Variants in LRRK1 observed in about 807,000 individuals in gnomAD.
LRRK1 encodes leucine-rich repeat serine/threonine-protein kinase 1.
LRRK1 carries 113 observed loss-of-function variants against 209.1 expected under a neutral mutation model. The observed-to-expected ratio is 0.54, with a 90% confidence interval of 0.46 to 0.63. The LOEUF is 0.63. Ranked by LOEUF, LRRK1 falls within the 30% of genes least tolerant of loss-of-function variation. LRRK1 has a pLI of 0.00. For synonymous variants in LRRK1, 1,144 were observed against 1,099.7 expected, an observed-to-expected ratio of 1.04 and a Z score of -0.80; for missense variants, 2,284 against 2,632.2, an observed-to-expected ratio of 0.87 and a Z score of 2.89.
intron 7 of LRRK1, 68 bp from the exon 8 acceptor site, chr15:101,010,382 G>GA: frequency 1.3e-6 from 2 of 1,546,556 alleles, no homozygotes; most frequent in Non-Finnish European, 1.7e-6. Context: ...TTGGTTTATA[G>GA]AAAAATATGT....
chr15:100,927,225 C>T (rs2042131728), intron 2 of LRRK1, among the ~76,000 whole-genome samples: 2 of 152,128 alleles, frequency 1.3e-5, no homozygotes, highest in Non-Finnish European at 1.5e-5. Context: ...GGGACCGGGG[C>T]GCAATGGGCT....
chr15:101,023,379 A>G (rs2033884914), intron 15 of LRRK1, among the ~76,000 whole-genome samples: 1 of 152,212 alleles, frequency 6.6e-6, no homozygotes, highest in Admixed American at 6.5e-5. Flanking sequence ...CTTGCTTTCC[A>G]TTCAGTGCCA....
chr15:101,013,186 G>T (rs1567232355), intron 10 of LRRK1, among the ~76,000 whole-genome samples: 1 of 152,180 alleles, frequency 6.6e-6, no homozygotes, highest in Non-Finnish European at 1.5e-5. Context: ...GGGACCCTGA[G>T]GTCTGGCACA....
At chr15:100,977,035 T>C (rs1426252081) in intron 3 of LRRK1, among the ~76,000 whole-genome samples, 1 of 152,158 alleles carries the variant, frequency 6.6e-6, no homozygotes, top group Non-Finnish European at 1.5e-5. Flanking sequence ...AAACGTAGGA[T>C]TCTAAAAGGT....
chr15:101,047,338 A>G (rs1485868047), intron 21 of LRRK1, among the ~76,000 whole-genome samples: 2 of 152,224 alleles, frequency 1.3e-5, no homozygotes, highest in Non-Finnish European at 2.9e-5. Flanking sequence ...AGAAGGGTGC[A>G]CTGATTGAAG....
At chr15:100,949,444 CA>C (rs1370513888) in intron 2 of LRRK1, among the ~76,000 whole-genome samples, 2 of 152,046 alleles carry the variant, frequency 1.3e-5, no homozygotes, top group Admixed American at 6.5e-5. Flanking sequence ...TGAATTCTAC[CA>C]AACATTTAAA....
intron 10 of LRRK1, among the ~76,000 whole-genome samples, chr15:101,012,736 T>G (rs2033325869): frequency 6.6e-6 from 1 of 152,052 alleles, no homozygotes; most frequent in Non-Finnish European, 1.5e-5. Context: ...TGCAGCCTCT[T>G]GTGTGCGGCG....
intron 6 of LRRK1, among the ~76,000 whole-genome samples, chr15:101,006,000 G>A (rs1317546330): frequency 6.6e-6 from 1 of 152,184 alleles, no homozygotes; most frequent in Non-Finnish European, 1.5e-5. Flanking sequence ...TGGGGCAAAA[G>A]GATGCAGAAA....
At chr15:100,968,065 C>T (rs547250823) in intron 2 of LRRK1, among the ~76,000 whole-genome samples, 15 of 152,142 alleles carry the variant, frequency 9.9e-5, no homozygotes, top group African/African-American at 3.4e-4. Context: ...CATATGGCCA[C>T]GATCCACCCT....
At chr15:101,062,102 G>A (rs2036218277) in intron 30 of LRRK1, among the ~76,000 whole-genome samples, 1 of 152,214 alleles carries the variant, frequency 6.6e-6, no homozygotes, top group African/African-American at 2.4e-5. Flanking sequence ...TTTCCTCCTA[G>A]AATGGGCGAG....
intron 3 of LRRK1, among the ~76,000 whole-genome samples, chr15:100,982,233 T>C (rs1363803307): frequency 1.3e-5 from 2 of 152,192 alleles, no homozygotes; most frequent in Non-Finnish European, 2.9e-5. Context: ...CCCATTCCAA[T>C]AGGGGATCCC....
At chr15:101,021,625 T>G (rs564864037) in intron 13 of LRRK1, 1 of 552,074 alleles carries the variant, frequency 1.8e-6, no homozygotes, top group African/African-American at 1.9e-5. Context: ...GGGGACTCAA[T>G]TCTAAGCCGT....
rs979594471 is a variant in LRRK1, at chr15:101,015,417, G to A, written c.1609+15G>A. The A allele has an allele frequency of 6.2e-7, 1 of 1,605,612 alleles. No individual in the cohort carries two copies. The highest frequency in any genetic ancestry group is 1.3e-5 in the African/African-American group (1 of 74,830). ...GACTGAGGCAGGTGTGTGTGGGTTG[G>A]GAGACGGTGTTCCCAGATGAGACAG... On this transcript the variant is annotated intron_variant, in intron 12 of 33. Coordinates refer to ENST00000388948, the MANE Select transcript of LRRK1 (RefSeq NM_024652.6).
chr15:100,920,367 C>T (rs1302587305), intron 1 of LRRK1: 3 of 152,230 alleles, frequency 2.0e-5, no homozygotes, highest in Non-Finnish European at 4.4e-5. Context: ...AAAGGGATAG[C>T]TAGAACATGC....
In LRRK1 at chr15:101,032,255, A is replaced by G. The variant is rs116881556; in HGVS notation, c.2963+3023A>G. 9.9e-3 allele frequency among the ~76,000 whole-genome samples: 1,496 copies of G among 151,716 alleles called. 14 individuals carry two copies. The highest frequency in any genetic ancestry group is 0.014 in the Non-Finnish European group (943 of 67,920). On this transcript the variant is annotated intron_variant, in intron 20 of 33. Coordinates refer to ENST00000388948, the MANE Select transcript of LRRK1 (RefSeq NM_024652.6). ...GAATGTTTTCCTTTTTGGTACTGAT[A>G]TGTACTTCTTTATATCTTCTGGATA...
intron 4 of LRRK1, among the ~76,000 whole-genome samples, chr15:100,986,191 G>T (rs1197286190): frequency 6.6e-6 from 1 of 152,136 alleles, no homozygotes; most frequent in African/African-American, 2.4e-5. Flanking sequence ...GAGATAGAAG[G>T]AGACCCTGTC....
intron 3 of LRRK1, among the ~76,000 whole-genome samples, chr15:100,978,028 A>G (rs1053481717): frequency 3.3e-5 from 5 of 152,304 alleles, no homozygotes; most frequent in African/African-American, 9.6e-5. Flanking sequence ...GAAATAAAAG[A>G]CATGAGGAGA....
chr15:101,010,992 A>G (rs1478286031), intron 9 of LRRK1, among the ~76,000 whole-genome samples, 155 bp downstream of exon 9: 5 of 152,152 alleles, frequency 3.3e-5, no homozygotes, highest in Non-Finnish European at 5.9e-5. Flanking sequence ...GTCACTCAGC[A>G]TACAGCGAGG....
chr15:101,047,822 T>C (rs556973269), intron 21 of LRRK1, among the ~76,000 whole-genome samples: 1 of 152,290 alleles, frequency 6.6e-6, no homozygotes, highest in South Asian at 2.1e-4. Context: ...ATCCGACTGG[T>C]AAACATCTAA....
Sources: gnomAD v4.1 joint callset for allele counts (sites outside exome capture counted in the v4.1 genomes callset) on GRCh38, gnomAD v4.1.1 for gene constraint, MANE v1.5 for transcripts, NCBI Gene and HGNC (gene_info 2026-07-23, HGNC 2026-07-21) for gene names.